TUBA4B: variants seen among roughly 807,000 people sequenced by gnomAD.
The protein encoded by TUBA4B is tubulin alpha 4b.
In TUBA4B, 13 loss-of-function variants were observed where a neutral mutation model predicts 18.4. The ratio of observed to expected loss-of-function variants is 0.71; its 90% CI spans 0.46 to 1.12. The LOEUF is 1.12. TUBA4B is among the 50% of genes most tolerant of loss of function. The pLI is 0.00. For missense variants in TUBA4B, 244 were observed against 250.0 expected (o/e 0.98, Z 0.16); for synonymous variants, 101 against 99.1 (o/e 1.02, Z -0.11).
intron 1 of TUBA4B, among the ~76,000 whole-genome samples, chr2:219,261,489 A>C (rs1399059868): frequency 6.6e-6 from 1 of 152,194 alleles, no homozygotes; most frequent in Non-Finnish European, 1.5e-5. Flanking sequence ...GTCTGGGGGA[A>C]AGCTGTCTTC....
intron 3 of TUBA4B, 129 bp downstream of exon 3, chr2:219,270,464 A>T (rs1280601889): frequency 1.6e-6 from 1 of 637,064 alleles, no homozygotes; most frequent in African/African-American, 1.8e-5. Context: ...AGGACCAATG[A>T]GGAGAGGCCC....
At chr2:219,257,113 G>A (rs1174065602) in intron 1 of TUBA4B, among the ~76,000 whole-genome samples, 4 of 138,246 alleles carry the variant, frequency 2.9e-5, no homozygotes, top group East Asian at 2.2e-4. Flanking sequence ...GCGCGATCTC[G>A]GCTCACTGCA....
At position 219,271,514 on chromosome 2, in the gene TUBA4B, C is replaced by T; in HGVS notation, c.541C>T (p.Leu181=). ...SQIVSSITAS[L]RFDGALNVDL... ...AATTGTCTCCTCCATCACAGCTTCT[C>T]TGCGCTTTGACGGGGCCCTCAATGT... The change falls in exon 4 of 4, where the codon CTG becomes TTG. Residue 181 remains leucine, a synonymous_variant. Coordinates refer to ENST00000490341, the MANE Select transcript of TUBA4B (RefSeq NM_001355221.1). The T allele has an allele frequency of 6.2e-7, 1 of 1,614,222 alleles. No individual in the cohort carries two copies. The highest frequency in any genetic ancestry group is 8.5e-7 in the Non-Finnish European group (1 of 1,180,044).
At chr2:219,259,158 A>T (rs1295721999) in intron 1 of TUBA4B, among the ~76,000 whole-genome samples, 5 of 146,584 alleles carry the variant, frequency 3.4e-5, no homozygotes, top group African/African-American at 1.3e-4. Context: ...AAATAAATAA[A>T]TAAATAAATA....
In TUBA4B at chr2:219,255,491, C is replaced by T. The variant is rs1951711180; in HGVS notation, c.12+2072C>T. Among the ~76,000 whole-genome samples, 3 of 152,150 alleles carry T rather than the reference C, an allele frequency of 2.0e-5. 1 individual carries two copies. Among genetic ancestry groups the T allele is most frequent in the Admixed American group, 2.0e-4 (3 of 15,282 alleles). ...TAGATGATCCACCTGCTTCAGCCTC[C>T]CAAAGTGCTGGGATTACAGGTGTGA... On this transcript the variant is annotated intron_variant, in intron 1 of 3. Coordinates refer to ENST00000490341, the MANE Select transcript of TUBA4B (RefSeq NM_001355221.1).
chr2:219,262,138 C>T (rs560003550), intron 1 of TUBA4B, among the ~76,000 whole-genome samples: 29 of 152,224 alleles, frequency 1.9e-4, no homozygotes, highest in African/African-American at 7.0e-4. Context: ...GGTGAAACCC[C>T]ATCTCTACTA....
chr2:219,262,200 A>G (rs1385096891), intron 1 of TUBA4B, among the ~76,000 whole-genome samples: 2 of 152,110 alleles, frequency 1.3e-5, no homozygotes, highest in African/African-American at 4.8e-5. Context: ...AGTCCCAGCA[A>G]CTCGGGAGGC....
intron 1 of TUBA4B, among the ~76,000 whole-genome samples, chr2:219,260,931 C>T (rs1003492317): frequency 2.0e-4 from 31 of 151,906 alleles, no homozygotes; most frequent in Non-Finnish European, 3.7e-4. Flanking sequence ...ATCGCACCAT[C>T]GCACTCCAGC....
At chr2:219,267,495 G>A (rs952578541) in intron 2 of TUBA4B, among the ~76,000 whole-genome samples, 3 of 152,152 alleles carry the variant, frequency 2.0e-5, no homozygotes, top group Non-Finnish European at 4.4e-5. Flanking sequence ...TAGGGAAGCT[G>A]AGGTGAAATG....
chr2:219,260,003 T>G (rs963323127), intron 1 of TUBA4B, among the ~76,000 whole-genome samples: 3 of 152,320 alleles, frequency 2.0e-5, no homozygotes, highest in Middle Eastern at 3.4e-3. Context: ...GCCACACATC[T>G]CCATCTTCAT....
rs1951783023 is a variant in TUBA4B at position 219,265,204 on chromosome 2, A to C, written c.13-1317A>C. Among the ~76,000 whole-genome samples, 8 of 152,312 alleles carry C rather than the reference A, an allele frequency of 5.3e-5. No individual in the cohort carries two copies. In the South Asian group the frequency reaches 1.4e-3, roughly 28 times the overall value. On this transcript the variant is annotated intron_variant, in intron 1 of 3. Coordinates refer to ENST00000490341, the MANE Select transcript of TUBA4B (RefSeq NM_001355221.1). ...CCAGATAAATCTTAATTCCAGCATT[A>C]ATTAATCCCCATGTGACCTCAGGCA... is the stretch of plus-strand genomic sequence containing the variant.
At chr2:219,260,102 G>A (rs1276703235) in intron 1 of TUBA4B, among the ~76,000 whole-genome samples, 4 of 151,920 alleles carry the variant, frequency 2.6e-5, no homozygotes, top group South Asian at 2.1e-4. Context: ...TGACAGCACC[G>A]GCTTCTAGCT....
Position 219,272,157 on chromosome 2 carries a change from T to C in TUBA4B, c.*458T>C. On this transcript the variant is annotated 3_prime_UTR_variant, in exon 4 of 4. Transcript: ENST00000490341. ...GGGGATGAATACTAGGGGAATACTG[T>C]GTGTCTGTCCTACATAAAGTGCTGT... The C allele has an allele frequency of 1.6e-6, 1 of 615,790 alleles. No homozygotes were observed. Among genetic ancestry groups the C allele is most frequent in the East Asian group, 3.9e-5 (1 of 25,678 alleles). The allele number at this position is 615,790 out of a possible 1,614,324, so 38.1% of individuals were successfully genotyped here. A position where few individuals can be genotyped will look rare whatever the true frequency, so the allele number is the denominator to read the frequency against.
intron 2 of TUBA4B, among the ~76,000 whole-genome samples, chr2:219,268,043 G>C (rs1181620153): frequency 6.6e-6 from 1 of 151,970 alleles, no homozygotes; most frequent in African/African-American, 2.4e-5. Context: ...GGTGAGCCAA[G>C]GCAGCCCCAG....
chr2:219,261,182 C>T (rs895074523), intron 1 of TUBA4B, among the ~76,000 whole-genome samples: 3 of 152,062 alleles, frequency 2.0e-5, no homozygotes, highest in Admixed American at 2.0e-4. Context: ...AGTCATGTCA[C>T]CAATAACTCC....
At position 219,271,469 on chromosome 2, in the gene TUBA4B, C is replaced by A. The variant is rs767051705; in HGVS notation, c.496C>A (p.Leu166Ile). Residue 166 changes from leucine (L) to isoleucine (I), a missense_variant, in exon 4 of 4, where the codon CTC becomes ATC. Transcript: ENST00000490341. The part of the protein sequence containing the change: ...LDIERPTYTN[L>I]NRLISQIVSS... ...CATCGAGCGCCCAACCTACACCAAC[C>A]TCAATCGCCTCATTAGCCAAATTGT... The A allele has an allele frequency of 6.8e-6, 11 of 1,614,070 alleles. No homozygotes were observed. Among genetic ancestry groups the A allele is most frequent in the African/African-American group, 6.7e-5 (5 of 74,940 alleles).
intron 1 of TUBA4B, among the ~76,000 whole-genome samples, chr2:219,256,813 C>A (rs566777722): frequency 6.6e-6 from 1 of 152,062 alleles, no homozygotes; most frequent in South Asian, 2.1e-4. Flanking sequence ...CATAGTGAGA[C>A]CCTGTCTCTA....
chr2:219,258,831 C>T (rs1368444523), intron 1 of TUBA4B, among the ~76,000 whole-genome samples: 1 of 152,168 alleles, frequency 6.6e-6, no homozygotes, highest in Non-Finnish European at 1.5e-5. Flanking sequence ...CTCTCTGTGT[C>T]TCCCTGACAC....
In TUBA4B at chr2:219,271,844, A is replaced by G; in HGVS notation, c.*145A>G. On this transcript the variant is annotated 3_prime_UTR_variant, in exon 4 of 4. Coordinates refer to ENST00000490341, the MANE Select transcript of TUBA4B (RefSeq NM_001355221.1). Reference sequence around the variant, plus strand: ...GTGGACTGGTGCCCCACAGGCTTTAAGGTTGATATCAATCACCAGCCTCCC... The same window carrying G: ...GTGGACTGGTGCCCCACAGGCTTTAGGGTTGATATCAATCACCAGCCTCCC... 2 of 1,548,448 alleles carry G rather than the reference A, an allele frequency of 1.3e-6. No homozygotes were observed. Among genetic ancestry groups the G allele is most frequent in the Non-Finnish European group, 1.8e-6 (2 of 1,120,426 alleles).
Sources: allele counts gnomAD v4.1 joint callset (sites outside exome capture counted in the v4.1 genomes callset), GRCh38; gene constraint gnomAD v4.1.1; transcripts MANE v1.5; gene names NCBI Gene and HGNC (gene_info 2026-07-23, HGNC 2026-07-21).